The following ATP11B variants were observed in gnomAD, a reference collection of about 807,000 sequenced individuals.
ATP11B encodes ATPase phospholipid transporting 11B (putative).
ATP11B carries 81 observed loss-of-function variants against 157.8 expected under a neutral mutation model. That is an observed-to-expected ratio of 0.51 (90% CI 0.43 to 0.62). ATP11B has a LOEUF of 0.62. ATP11B is among the 20% of genes least tolerant of loss of function. The pLI, the probability that ATP11B is intolerant of heterozygous loss-of-function variation, is 0.00. For missense variants in ATP11B, 1,165 were observed against 1,402.2 expected, an observed-to-expected ratio of 0.83 and a Z score of 2.70; for synonymous variants, 451 against 469.4, an observed-to-expected ratio of 0.96 and a Z score of 0.51.
At chr3:182,848,925 G>A (rs1175863368) in intron 10 of ATP11B, among the ~76,000 whole-genome samples, 1 of 152,208 alleles carries the variant, frequency 6.6e-6, no homozygotes, top group Non-Finnish European at 1.5e-5. Flanking sequence ...AAAGATGATA[G>A]CAGCAAGGGG....
chr3:182,916,579 T>C (rs1003032808), intron 29 of ATP11B: 1 of 985,238 alleles, frequency 1.0e-6, no homozygotes, highest in African/African-American at 1.7e-5. Flanking sequence ...TAAAAGATTT[T>C]CTGTTCGTGT....
intron 9 of ATP11B, among the ~76,000 whole-genome samples, chr3:182,846,764 A>C (rs1252242097): frequency 6.6e-6 from 1 of 152,230 alleles, no homozygotes; most frequent in African/African-American, 2.4e-5. Context: ...TGAAATACCC[A>C]GAATAGGCAA....
chr3:182,821,932 T>A (rs551503231), intron 2 of ATP11B, among the ~76,000 whole-genome samples: 1 of 152,308 alleles, frequency 6.6e-6, no homozygotes, highest in East Asian at 1.9e-4. Context: ...CCCAAGGATG[T>A]TGTCTTAGGT....
In ATP11B at chr3:182,859,160, A is replaced by G; in HGVS notation, c.1003-2A>G. The G allele has an allele frequency of 6.3e-7, 1 of 1,587,868 alleles. No individual in the cohort carries two copies. Among genetic ancestry groups the G allele is most frequent in the Non-Finnish European group, 8.6e-7 (1 of 1,165,338 alleles). Reference sequence around the variant, plus strand: ...TTCAAACAATTATTTCCTTTTTTCTAGATTCTGAGATTTATTTCAGACTTC... The same window carrying G: ...TTCAAACAATTATTTCCTTTTTTCTGGATTCTGAGATTTATTTCAGACTTC... On this transcript the variant is annotated splice_acceptor_variant, in intron 11 of 29. Transcript: ENST00000323116. LOFTEE classifies it high-confidence loss of function.
intron 17 of ATP11B, among the ~76,000 whole-genome samples, chr3:182,871,796 G>A (rs921177741): frequency 6.6e-6 from 1 of 151,858 alleles, no homozygotes; most frequent in African/African-American, 2.4e-5. Flanking sequence ...CTACAATTCA[G>A]TGACCTTAAT....
chr3:182,917,873 G>T, intron 29 of ATP11B, 150 bp from the exon 30 acceptor site: 2 of 1,303,504 alleles, frequency 1.5e-6, no homozygotes. Context: ...AGAAAGTTTG[G>T]GCATTCGATA....
intron 29 of ATP11B, 165 bp from the exon 30 acceptor site, chr3:182,917,858 T>G (rs1222177165): frequency 1.0e-6 from 1 of 981,396 alleles, no homozygotes; most frequent in Non-Finnish European, 1.2e-6. Flanking sequence ...TTATATAATA[T>G]AAATAGAAAG....
intron 1 of ATP11B, among the ~76,000 whole-genome samples, chr3:182,804,095 GAAGTT>G (rs955774640): frequency 6.6e-6 from 1 of 152,088 alleles, no homozygotes; most frequent in African/African-American, 2.4e-5. Flanking sequence ...GCTTTGCATT[GAAGTT>G]AAGTTTCTTC....
intron 20 of ATP11B, among the ~76,000 whole-genome samples, chr3:182,879,939 G>A (rs779986335): frequency 9.2e-5 from 14 of 152,298 alleles, no homozygotes; most frequent in African/African-American, 1.4e-4. Flanking sequence ...GCTACTTAGC[G>A]AGTGAAGGAG....
At chr3:182,838,997 A>C (rs951127937) in intron 7 of ATP11B, among the ~76,000 whole-genome samples, 3 of 152,174 alleles carry the variant, frequency 2.0e-5, no homozygotes, top group African/African-American at 7.2e-5. Flanking sequence ...TGTAAAAATA[A>C]TGTGTGTGCA....
At position 182,886,991 on chromosome 3, in the gene ATP11B, TTTATAGTGTAA is replaced by T. The variant is rs1286846821; in HGVS notation, c.2716-592_2716-582del. ...TATTTTGATTAGGTTTTCTGGAGAG[TTTATAGTGTAA>T]TTTGGGAGGCAGTATTAATAACAAT... On this transcript the variant is annotated intron_variant, in intron 23 of 29. Transcript: ENST00000323116. Among the ~76,000 whole-genome samples the T allele has an allele frequency of 3.3e-5, 5 of 151,882 alleles. No individual in the cohort carries two copies. In the East Asian group the frequency reaches 7.7e-4, roughly 23 times the overall value.
chr3:182,836,957 G>T, intron 6 of ATP11B, 114 bp from the exon 7 acceptor site: 1 of 689,652 alleles, frequency 1.5e-6, no homozygotes, highest in Non-Finnish European at 2.5e-6. Flanking sequence ...GTCTAGCTGA[G>T]TGATCTCAAG....
chr3:182,866,226 G>A (rs780751389), intron 13 of ATP11B, 42 bp from the exon 14 acceptor site: 1 of 1,426,602 alleles, frequency 7.0e-7, no homozygotes, highest in Admixed American at 2.1e-5. Flanking sequence ...ATGGTATGTG[G>A]AAATGATATT....
intron 6 of ATP11B, among the ~76,000 whole-genome samples, chr3:182,836,805 C>G (rs1483318288): frequency 6.6e-6 from 1 of 152,056 alleles, no homozygotes; most frequent in Non-Finnish European, 1.5e-5. Context: ...CACAGTTTTT[C>G]CTATTAAATT....
At chr3:182,799,698 A>T (rs747758578) in intron 1 of ATP11B, among the ~76,000 whole-genome samples, 15 of 152,270 alleles carry the variant, frequency 9.9e-5, no homozygotes, top group Admixed American at 3.3e-4. Context: ...TGTATTTTTT[A>T]AAAAATATCA....
In ATP11B at chr3:182,915,713, C is replaced by T. The variant is rs556565991; in HGVS notation, c.3452+1719C>T. 49 of 984,878 alleles carry T rather than the reference C, an allele frequency of 5.0e-5. No homozygotes were observed. The African/African-American group carries it at 8.0e-4, about 16-fold the overall frequency. 61.0% of individuals were successfully genotyped at this position (984,878 alleles called of 1,614,324 possible). A position where few individuals can be genotyped will look rare whatever the true frequency, so the allele number is the denominator to read the frequency against. On this transcript the variant is annotated intron_variant, in intron 29 of 29. Transcript: ENST00000323116. ...TGATATCGATTATGGTAATATGCCC[C>T]CATTATTCTTTACATAGCCATTTTG...
intron 25 of ATP11B, among the ~76,000 whole-genome samples, chr3:182,891,459 A>G (rs538713627): frequency 1.2e-4 from 18 of 152,280 alleles, no homozygotes; most frequent in African/African-American, 3.8e-4. Context: ...TATTTTCATT[A>G]ACCTCATAAT....
At position 182,921,271 on chromosome 3, in the gene ATP11B, C is replaced by T. The variant is rs773209183; in HGVS notation, c.*3167C>T. On this transcript the variant is annotated 3_prime_UTR_variant, in exon 30 of 30. Transcript: ENST00000323116. ...AAAACATGTTTTATTAATTTTGGTC[C>T]CCACGTACAGACATTTTATTTCTAT... is the stretch of plus-strand genomic sequence containing the variant. 1 of 151,948 alleles carries T rather than the reference C, an allele frequency of 6.6e-6. No individual in the cohort carries two copies. The highest frequency in any genetic ancestry group is 2.4e-5 in the African/African-American group (1 of 41,346). 9.4% of individuals were successfully genotyped at this position (151,948 alleles called of 1,614,324 possible). A position where few individuals can be genotyped will look rare whatever the true frequency, so the allele number is the denominator to read the frequency against.
intron 21 of ATP11B, among the ~76,000 whole-genome samples, chr3:182,881,982 CTAATGTCATTTCATTATATTGAATTTAT>C (rs1560110222): frequency 6.6e-6 from 1 of 152,190 alleles, no homozygotes; most frequent in Non-Finnish European, 1.5e-5. Flanking sequence ...ATTCAGACTG[CTAATGTCATTTCATTATATTGAATTTAT>C]TAATCCTTTC....
Sources: allele counts gnomAD v4.1 joint callset (sites outside exome capture counted in the v4.1 genomes callset), GRCh38; gene constraint gnomAD v4.1.1; transcripts MANE v1.5; gene names NCBI Gene and HGNC (gene_info 2026-07-23, HGNC 2026-07-21).